LRRC4C: variants seen among roughly 807,000 people sequenced by gnomAD.
LRRC4C encodes the protein leucine rich repeat containing 4C, also known as leucine-rich repeat-containing protein 4C.
In LRRC4C, 5 loss-of-function variants were observed where a neutral mutation model predicts 33.6. The observed-to-expected ratio is 0.15, with a 90% CI of 0.08 to 0.31. LRRC4C has a LOEUF of 0.31. Among genes scored for constraint, LRRC4C ranks in the 10% least tolerant of loss-of-function variants. LRRC4C has a pLI of 1.00. For synonymous variants in LRRC4C, 329 were observed against 302.0 expected (o/e 1.09, Z -0.93); for missense variants, 560 against 796.7 (o/e 0.70, Z 3.58).
At chr11:40,214,869 T>C (rs1863862419) in intron 5 of LRRC4C, among the ~76,000 whole-genome samples, 1 of 152,202 alleles carries the variant, frequency 6.6e-6, no homozygotes, top group Non-Finnish European at 1.5e-5. Context: ...TGTCTAGTCA[T>C]TGTGTCCAAA....
intron 3 of LRRC4C, among the ~76,000 whole-genome samples, chr11:40,335,356 TCCTACA>T (rs1056570218): frequency 6.6e-6 from 1 of 152,214 alleles, no homozygotes; most frequent in Non-Finnish European, 1.5e-5. Flanking sequence ...AGTCTATAAA[TCCTACA>T]CCTAAGTCCT....
At chr11:40,488,283 C>T (rs200532651) in intron 3 of LRRC4C, among the ~76,000 whole-genome samples, 19,315 of 146,742 alleles carry the variant, frequency 0.13, 1,377 homozygotes, top group African/African-American at 0.18. Flanking sequence ...TGTTTTTTTC[C>T]CCCCCCCACT....
intron 3 of LRRC4C, among the ~76,000 whole-genome samples, chr11:40,633,787 T>C (rs1963721407): frequency 6.6e-6 from 1 of 152,124 alleles, no homozygotes; most frequent in South Asian, 2.1e-4. Context: ...TTTAGGGAAA[T>C]GGAGTTATAG....
chr11:41,015,014 T>G (rs1025851225), intron 1 of LRRC4C, among the ~76,000 whole-genome samples: 1 of 152,146 alleles, frequency 6.6e-6, no homozygotes, highest in Non-Finnish European at 1.5e-5. Context: ...GTGAAGAAAT[T>G]TTAAATGACT....
At chr11:41,180,666 G>T (rs1945406579) in intron 1 of LRRC4C, among the ~76,000 whole-genome samples, 1 of 152,142 alleles carries the variant, frequency 6.6e-6, no homozygotes, top group Non-Finnish European at 1.5e-5. Context: ...TACTGATGGT[G>T]CAGTACTGCT....
At chr11:40,179,656 T>A (rs1810167411) in intron 5 of LRRC4C, among the ~76,000 whole-genome samples, 1 of 152,096 alleles carries the variant, frequency 6.6e-6, no homozygotes, top group East Asian at 1.9e-4. Context: ...GACCCCCGCA[T>A]CCAGCACGTG....
At chr11:40,733,940 T>C (rs370468113) in intron 2 of LRRC4C, among the ~76,000 whole-genome samples, 13 of 152,316 alleles carry the variant, frequency 8.5e-5, no homozygotes, top group African/African-American at 2.6e-4. Context: ...TTTGGAGACA[T>C]ACTGTTACCT....
At chr11:40,345,382 A>G (rs1476684390) in intron 3 of LRRC4C, among the ~76,000 whole-genome samples, 3 of 152,190 alleles carry the variant, frequency 2.0e-5, no homozygotes. Context: ...TAGAAAGCAC[A>G]GAAATAATGC....
chr11:40,260,318 A>G (rs1337033512), intron 4 of LRRC4C, among the ~76,000 whole-genome samples: 2 of 144,992 alleles, frequency 1.4e-5, no homozygotes, highest in Non-Finnish European at 3.0e-5. Flanking sequence ...AAAACCAAAC[A>G]CCACATATTC....
intron 2 of LRRC4C, among the ~76,000 whole-genome samples, chr11:40,760,015 A>T (rs1949129965): frequency 6.6e-6 from 1 of 151,518 alleles, no homozygotes; most frequent in Non-Finnish European, 1.5e-5. Flanking sequence ...AATCCCTGGC[A>T]TTCATCTGAC....
chr11:40,479,222 TTAA>T (rs1332564402), intron 3 of LRRC4C, among the ~76,000 whole-genome samples: 1 of 152,178 alleles, frequency 6.6e-6, no homozygotes, highest in Admixed American at 6.5e-5. Flanking sequence ...TCCTATTAAT[TTAA>T]TAATATTATT....
chr11:40,964,224 A>C (rs991082945), intron 1 of LRRC4C, among the ~76,000 whole-genome samples: 1 of 151,704 alleles, frequency 6.6e-6, no homozygotes, highest in Non-Finnish European at 1.5e-5. Context: ...TATGTGTTAG[A>C]TATTATTTTT....
At chr11:40,742,280 T>G (rs1948195422) in intron 2 of LRRC4C, among the ~76,000 whole-genome samples, 1 of 152,076 alleles carries the variant, frequency 6.6e-6, no homozygotes, top group Admixed American at 6.6e-5. Flanking sequence ...CTTTTGCATC[T>G]GAGAACAGGA....
At chr11:41,257,206 A>G (rs187498375) in intron 1 of LRRC4C, among the ~76,000 whole-genome samples, 3 of 152,162 alleles carry the variant, frequency 2.0e-5, no homozygotes, top group Non-Finnish European at 4.4e-5. Context: ...ATCAGAGAAC[A>G]AAATAGTGTA....
At chr11:40,604,118 C>T (rs182985451) in intron 3 of LRRC4C, among the ~76,000 whole-genome samples, 6 of 152,074 alleles carry the variant, frequency 3.9e-5, no homozygotes, top group African/African-American at 1.4e-4. Context: ...CACAAAGACC[C>T]AACTTGAAAA....
chr11:41,294,761 T>G (rs1950090413), intron 1 of LRRC4C, among the ~76,000 whole-genome samples: 1 of 152,300 alleles, frequency 6.6e-6, no homozygotes, highest in African/African-American at 2.4e-5. Flanking sequence ...CCAATAAAAC[T>G]ATTATAGCAG....
intron 2 of LRRC4C, among the ~76,000 whole-genome samples, chr11:40,932,863 T>A (rs1957689540): frequency 6.6e-6 from 1 of 152,152 alleles, no homozygotes; most frequent in African/African-American, 2.4e-5. Context: ...CTAGATGCGG[T>A]CAGACAGCAT....
At chr11:40,905,448 A>G (rs1956376563) in intron 2 of LRRC4C, among the ~76,000 whole-genome samples, 1 of 152,146 alleles carries the variant, frequency 6.6e-6, no homozygotes, top group South Asian at 2.1e-4. Context: ...CATGTGAACA[A>G]ACTCTATTGC....
At chr11:40,167,390 C>G (rs756199460) in intron 5 of LRRC4C, among the ~76,000 whole-genome samples, 2 of 152,090 alleles carry the variant, frequency 1.3e-5, no homozygotes, top group South Asian at 4.1e-4. Context: ...TATATTTATA[C>G]CCCTTGATTT....
Sources: gnomAD v4.1 joint callset for allele counts (sites outside exome capture counted in the v4.1 genomes callset) on GRCh38, gnomAD v4.1.1 for gene constraint, MANE v1.5 for transcripts, NCBI Gene and HGNC (gene_info 2026-07-23, HGNC 2026-07-21) for gene names.